The following GSDMC variants were observed in gnomAD, a reference collection of about 807,000 sequenced individuals.
GSDMC encodes gasdermin-C.
A neutral mutation model predicts 58.0 loss-of-function variants in GSDMC; 59 were observed. The ratio of observed to expected loss-of-function variants is 1.02; its 90% CI spans 0.82 to 1.26. The LOEUF is 1.26. Ranked by LOEUF, GSDMC falls within the 50% of genes most tolerant of loss-of-function variation. GSDMC has a pLI of 0.00. For missense variants in GSDMC, 659 were observed against 598.5 expected (o/e 1.10, Z -1.06); for synonymous variants, 241 against 220.2 (o/e 1.09, Z -0.83).
At chr8:129,755,981 G>A (rs1454970947) in intron 6 of GSDMC, among the ~76,000 whole-genome samples, 1 of 150,952 alleles carries the variant, frequency 6.6e-6, no homozygotes, top group Non-Finnish European at 1.5e-5. Flanking sequence ...CAAAATGGCA[G>A]GATTAAATCC....
intron 1 of GSDMC, among the ~76,000 whole-genome samples, chr8:129,785,369 T>C (rs1443165314): frequency 6.8e-6 from 1 of 146,034 alleles, no homozygotes; most frequent in African/African-American, 2.6e-5. Context: ...TAGAGTAAAA[T>C]GATGGTTACC....
At chr8:129,723,814 A>G in the GSDMC span, among the ~76,000 whole-genome samples, 27 of 152,098 alleles carry the variant, frequency 1.8e-4, no homozygotes, top group Non-Finnish European at 3.4e-4. Context: ...TCTATGAATT[A>G]CTCTAGAAAA....
intron 4 of GSDMC, among the ~76,000 whole-genome samples, chr8:129,763,878 C>A (rs893800043): frequency 1.4e-4 from 21 of 152,122 alleles, no homozygotes; most frequent in African/African-American, 4.8e-4. Context: ...CTGTGCCTAG[C>A]CTCCAAATTT....
the GSDMC span, among the ~76,000 whole-genome samples, chr8:129,739,627 C>A: frequency 4.6e-5 from 7 of 152,234 alleles, no homozygotes; most frequent in Admixed American, 4.6e-4. Flanking sequence ...GTCCTAATAT[C>A]CTGGCAGAAC....
chr8:129,722,391 A>T, the GSDMC span, among the ~76,000 whole-genome samples: 1 of 152,232 alleles, frequency 6.6e-6, no homozygotes, highest in Non-Finnish European at 1.5e-5. Context: ...AGTGTAGCTT[A>T]TAAACAAGTC....
chr8:129,768,658 G>T (rs776534761), intron 3 of GSDMC, among the ~76,000 whole-genome samples: 1 of 152,138 alleles, frequency 6.6e-6, no homozygotes, highest in African/African-American at 2.4e-5. Context: ...ACCAGTCAAA[G>T]GGATAAAAAG....
chr8:129,744,554 T>G (rs1259452943), downstream of GSDMC, among the ~76,000 whole-genome samples: 1 of 152,210 alleles, frequency 6.6e-6, no homozygotes, highest in Non-Finnish European at 1.5e-5. Flanking sequence ...GAAATTGATT[T>G]TCATTCATGC....
At chr8:129,719,177 T>C in the GSDMC span, among the ~76,000 whole-genome samples, 1 of 152,046 alleles carries the variant, frequency 6.6e-6, no homozygotes, top group African/African-American at 2.4e-5. Context: ...GAGCTTAAAG[T>C]AAAATAATAA....
rs377050926 is a variant in GSDMC, at chr8:129,777,591, G to T, written c.-4C>A. The T allele has an allele frequency of 2.9e-5, 45 of 1,538,034 alleles. No homozygotes were observed. The highest frequency in any genetic ancestry group is 3.6e-5 in the Non-Finnish European group (40 of 1,115,372). On this transcript the variant is annotated splice_region_variant and 5_prime_UTR_variant, in exon 2 of 14. Transcript: ENST00000276708. ...TGCGTTCCAACATGGAGGGCATGTT[G>T]CTAGGAGGAGATGAAAGGAGAGCAT...
At chr8:129,726,756 T>C in the GSDMC span, among the ~76,000 whole-genome samples, 1 of 150,350 alleles carries the variant, frequency 6.7e-6, no homozygotes, top group African/African-American at 2.4e-5. Context: ...TCCCTTCCAA[T>C]CCAGTCCCTC....
At chr8:129,765,841 G>A in intron 3 of GSDMC, 48 bp from the exon 4 acceptor site, 1 of 1,533,362 alleles carries the variant, frequency 6.5e-7, no homozygotes, top group South Asian at 1.1e-5. Flanking sequence ...GAAAGTGATG[G>A]CTTTTCAGGT....
the GSDMC span, among the ~76,000 whole-genome samples, chr8:129,733,879 A>G: frequency 6.6e-6 from 1 of 152,250 alleles, no homozygotes; most frequent in Non-Finnish European, 1.5e-5. Context: ...AACTTCTCTG[A>G]GCTAAAGGAG....
At chr8:129,783,538 A>T (rs2034475024) in intron 1 of GSDMC, among the ~76,000 whole-genome samples, 1 of 152,196 alleles carries the variant, frequency 6.6e-6, no homozygotes, top group Non-Finnish European at 1.5e-5. Context: ...TTAACTGAAG[A>T]AGTAAAAAAT....
At chr8:129,739,597 C>T in the GSDMC span, among the ~76,000 whole-genome samples, 3 of 152,164 alleles carry the variant, frequency 2.0e-5, no homozygotes, top group African/African-American at 4.8e-5. Flanking sequence ...AAAATCCTAT[C>T]GCCTGCTGAC....
At chr8:129,712,120 T>G in the GSDMC span, among the ~76,000 whole-genome samples, 1 of 152,176 alleles carries the variant, frequency 6.6e-6, no homozygotes, top group African/African-American at 2.4e-5. Context: ...TAATTAAGAA[T>G]AATAATAACA....
At chr8:129,713,398 G>C in the GSDMC span, among the ~76,000 whole-genome samples, 2 of 88,830 alleles carry the variant, frequency 2.3e-5, no homozygotes, top group Admixed American at 2.3e-4. Flanking sequence ...GGAGCCTTGT[G>C]GCCTCAGTGA....
intron 6 of GSDMC, among the ~76,000 whole-genome samples, chr8:129,754,366 C>T (rs1217556449): frequency 6.6e-6 from 1 of 152,160 alleles, no homozygotes; most frequent in East Asian, 1.9e-4. Flanking sequence ...GCCTGGAAAT[C>T]CAGGTAATTT....
intron 1 of GSDMC, among the ~76,000 whole-genome samples, chr8:129,780,876 CAGAT>C (rs2034386417): frequency 6.6e-6 from 1 of 152,086 alleles, no homozygotes; most frequent in Non-Finnish European, 1.5e-5. Flanking sequence ...AAACAACAAA[CAGAT>C]AAAAAGCAGA....
chr8:129,735,306 C>G, the GSDMC span, among the ~76,000 whole-genome samples: 4 of 152,156 alleles, frequency 2.6e-5, no homozygotes, highest in Non-Finnish European at 2.9e-5. Flanking sequence ...CCAAGTGGAC[C>G]TAATAGACAT....
Sources: gnomAD v4.1 joint callset for allele counts (sites outside exome capture counted in the v4.1 genomes callset) on GRCh38, gnomAD v4.1.1 for gene constraint, MANE v1.5 for transcripts, NCBI Gene and HGNC (gene_info 2026-07-23, HGNC 2026-07-21) for gene names.